Variants in TBC1D8 observed in about 807,000 individuals in gnomAD.
TBC1D8 encodes TBC1 domain family member 8, also known as BUB2-like protein 1.
Under a neutral mutation model 118.8 loss-of-function variants are expected in TBC1D8, and 65 were observed. That is an observed-to-expected ratio of 0.55 (90% CI 0.45 to 0.67). The LOEUF is 0.67. TBC1D8 is among the 30% of genes least tolerant of loss of function. The probability of loss-of-function intolerance (pLI) is 0.00; values close to 1 mark genes in which losing one functional copy is unlikely to be tolerated. For missense variants in TBC1D8, 1,376 were observed against 1,471.2 expected, an observed-to-expected ratio of 0.94 and a Z score of 1.06; for synonymous variants, 566 against 595.8, an observed-to-expected ratio of 0.95 and a Z score of 0.73.
chr2:101,054,667 CTTTTCTTTTTTTTTTTTT>C lies in TBC1D8; in HGVS notation c.403-349_403-332del, dbSNP rs1261164881. ...CTCAAACAAACAATCATTTTCTTTTCTTTTCTTTTTTTTTTTTTTTTTTTTTTTTTTGGAGACGGAGTT... is the reference window on the plus strand; with the variant it reads ...CTCAAACAAACAATCATTTTCTTTTCTTTTTTTTTTTTTGGAGACGGAGTT... On this transcript the variant is annotated intron_variant, in intron 3 of 19. Coordinates refer to ENST00000409318, the MANE Select transcript of TBC1D8 (RefSeq NM_001330348.2). Among the ~76,000 whole-genome samples the C allele has an allele frequency of 5.6e-4, 12 of 21,298 alleles. No individual in the cohort carries two copies. In the East Asian group the frequency reaches 0.011, roughly 20 times the overall value. 14.0% of individuals were successfully genotyped at this position (21,298 alleles called of 152,430 possible).
rs146345215 is a variant in TBC1D8, at chr2:101,140,492, G to A, written c.127+10635C>T. On this transcript the variant is annotated intron_variant, in intron 1 of 19. Coordinates refer to ENST00000409318, the MANE Select transcript of TBC1D8 (RefSeq NM_001330348.2). ...GGCAATGAGGGGACACAGCTTCAAT[G>A]ACTTCCTGATCGCCACTACCCAAAC... 6.2e-4 allele frequency among the ~76,000 whole-genome samples: 94 copies of A among 152,172 alleles called. 2 individuals are homozygous for A. The East Asian group carries it at 0.014, about 23-fold the overall frequency.
At chr2:101,016,075 G>GA (rs1679611532) in intron 17 of TBC1D8, among the ~76,000 whole-genome samples, 1 of 151,978 alleles carries the variant, frequency 6.6e-6, no homozygotes, top group South Asian at 2.1e-4. Flanking sequence ...TGACAAATGG[G>GA]ATCTAATTAA....
chr2:101,104,973 C>T (rs1005592924), intron 1 of TBC1D8, among the ~76,000 whole-genome samples: 6 of 145,926 alleles, frequency 4.1e-5, no homozygotes, highest in Non-Finnish European at 7.5e-5. Flanking sequence ...TGCAGTGAGC[C>T]GAGATCACAC....
chr2:101,054,550 G>A lies in TBC1D8; in HGVS notation c.403-214C>T, dbSNP rs138062823. Among the ~76,000 whole-genome samples the A allele has an allele frequency of 3.3e-5, 5 of 151,934 alleles. No homozygotes were observed. The South Asian group carries it at 6.3e-4, about 19-fold the overall frequency. ...TGCAGCAGAAAAAAAAGGAATGGCA[G>A]TCGGGGTCAGAAAACCCAAGAACCA... On this transcript the variant is annotated intron_variant, in intron 3 of 19. Transcript: ENST00000409318.
rs1165786653 is a variant in TBC1D8 at position 101,027,280 on chromosome 2, C to T, written c.2520+103G>A. The T allele has an allele frequency of 7.1e-5, 77 of 1,077,280 alleles. No homozygotes were observed. The East Asian group carries it at 1.1e-3, about 15-fold the overall frequency. The allele number at this position is 1,077,280 out of a possible 1,614,324, so 66.7% of individuals were successfully genotyped here. A position where few individuals can be genotyped will look rare whatever the true frequency, so the allele number is the denominator to read the frequency against. On this transcript the variant is annotated intron_variant, in intron 15 of 19. Coordinates refer to ENST00000409318, the MANE Select transcript of TBC1D8 (RefSeq NM_001330348.2). The stretch of plus-strand genomic sequence containing the variant: ...GGGGGCAGCTCCGGCCTCTGCTCCA[C>T]GGAGCCCTGCAGGCAGCTGCATGCT...
At position 101,096,042 on chromosome 2, in the gene TBC1D8, A is replaced by T. The variant is rs1676398001; in HGVS notation, c.128-5678T>A. On this transcript the variant is annotated intron_variant, in intron 1 of 19. Coordinates refer to ENST00000409318, the MANE Select transcript of TBC1D8 (RefSeq NM_001330348.2). ...CAGCTGGAAGTATGGCAAGACTCAG[A>T]CTCTATTTGAGAAAGAGTTCTTTTT... 2.0e-5 allele frequency among the ~76,000 whole-genome samples: 3 copies of T among 151,828 alleles called. No homozygotes were observed. The South Asian group carries it at 6.2e-4, about 32-fold the overall frequency.
intron 1 of TBC1D8, among the ~76,000 whole-genome samples, chr2:101,134,772 G>A (rs1461388751): frequency 6.6e-6 from 1 of 152,184 alleles, no homozygotes; most frequent in Non-Finnish European, 1.5e-5. Context: ...AGTAATTTAG[G>A]GGGCAGGGGG....
chr2:101,123,112 T>C (rs2104238811), intron 1 of TBC1D8, among the ~76,000 whole-genome samples: 1 of 152,256 alleles, frequency 6.6e-6, no homozygotes, highest in Middle Eastern at 3.4e-3. Context: ...GGTGCGCACC[T>C]TGTAGTCCAA....
At chr2:101,057,019 C>T (rs1682477687) in intron 3 of TBC1D8, among the ~76,000 whole-genome samples, 1 of 152,162 alleles carries the variant, frequency 6.6e-6, no homozygotes, top group Non-Finnish European at 1.5e-5. Context: ...GCCCTGCCTC[C>T]TCAGGAATTA....
chr2:101,068,861 T>G (rs1386719575), intron 2 of TBC1D8, among the ~76,000 whole-genome samples: 1 of 151,366 alleles, frequency 6.6e-6, no homozygotes, highest in Non-Finnish European at 1.5e-5. Context: ...TAGCTGAGCG[T>G]GGTGGTGGGG....
rs1678819645 is a variant in TBC1D8, at chr2:101,007,560, G to A, written c.*261C>T. ...AATCAACACTAGCATCACAGCAGAA[G>A]TGCCCATTTCAGCAAATCCGGTAAA... On this transcript the variant is annotated 3_prime_UTR_variant, in exon 20 of 20. Coordinates refer to ENST00000409318, the MANE Select transcript of TBC1D8 (RefSeq NM_001330348.2). 1 of 473,126 alleles carries A rather than the reference G, an allele frequency of 2.1e-6. No individual in the cohort carries two copies. Among genetic ancestry groups the A allele is most frequent in the Non-Finnish European group, 3.8e-6 (1 of 263,984 alleles). The allele number at this position is 473,126 out of a possible 1,614,324, so 29.3% of individuals were successfully genotyped here.
At position 101,050,435 on chromosome 2, in the gene TBC1D8, G is replaced by T. The variant is rs767733832; in HGVS notation, c.838C>A (p.Pro280Thr). 2 of 1,613,530 alleles carry T rather than the reference G, an allele frequency of 1.2e-6. No individual in the cohort carries two copies. The highest frequency in any genetic ancestry group is 1.3e-5 in the African/African-American group (1 of 74,898). Residue 280 changes from proline (P) to threonine (T), a missense_variant, in exon 5 of 20, where the codon CCC becomes ACC. Transcript: ENST00000409318. ...ATCTGGCTCGGCTCCTGCAGATCGG[G>T]GTCGAGGTCAAAGACCTCATTATCC... The part of the protein sequence containing the change: ...LLDNEVFDLD[P>T]DLQEPSQITK...
chr2:101,109,435 A>G (rs1677440499), intron 1 of TBC1D8, among the ~76,000 whole-genome samples: 1 of 152,230 alleles, frequency 6.6e-6, no homozygotes, highest in Admixed American at 6.5e-5. Flanking sequence ...GCAAATTTCA[A>G]ACGGGTCAAA....
intron 12 of TBC1D8, 98 bp downstream of exon 12, chr2:101,029,393 A>AC: frequency 4.0e-6 from 5 of 1,237,830 alleles, no homozygotes; most frequent in Non-Finnish European, 5.5e-6. Context: ...CTCTGTCTCA[A>AC]TAAAAAAAAA....
At chr2:101,084,934 C>T (rs773071886) in intron 2 of TBC1D8, among the ~76,000 whole-genome samples, 56 of 151,004 alleles carry the variant, frequency 3.7e-4, no homozygotes, top group Middle Eastern at 3.2e-3. Flanking sequence ...CTGCAAGCTC[C>T]GCCTCCTGGG....
intron 2 of TBC1D8, among the ~76,000 whole-genome samples, chr2:101,063,597 G>A (rs1440599348): frequency 6.6e-6 from 1 of 152,156 alleles, no homozygotes; most frequent in Non-Finnish European, 1.5e-5. Flanking sequence ...TCTTATGATG[G>A]GTTCCACAAA....
chr2:101,131,918 T>A (rs1438927817), intron 1 of TBC1D8, among the ~76,000 whole-genome samples: 1 of 152,220 alleles, frequency 6.6e-6, no homozygotes, highest in Non-Finnish European at 1.5e-5. Context: ...TGCAGAAATT[T>A]CCTAAATGAA....
At chr2:101,114,902 C>T (rs1024875665) in intron 1 of TBC1D8, among the ~76,000 whole-genome samples, 3 of 152,104 alleles carry the variant, frequency 2.0e-5, no homozygotes, top group African/African-American at 4.8e-5. Flanking sequence ...TGCCACCCCA[C>T]GGAAATAAGG....
intron 5 of TBC1D8, among the ~76,000 whole-genome samples, chr2:101,050,163 A>G (rs1225948484): frequency 1.3e-5 from 2 of 152,232 alleles, no homozygotes; most frequent in African/African-American, 4.8e-5. Context: ...TTCTTCATGA[A>G]AATCAGTTTT....
Sources: gnomAD v4.1 joint callset for allele counts (sites outside exome capture counted in the v4.1 genomes callset) on GRCh38, gnomAD v4.1.1 for gene constraint, MANE v1.5 for transcripts, NCBI Gene and HGNC (gene_info 2026-07-23, HGNC 2026-07-21) for gene names.